The following NPAS3 variants were observed in gnomAD, a reference collection of about 807,000 sequenced individuals.
NPAS3 encodes neuronal PAS domain-containing protein 3.
In NPAS3, 14 loss-of-function variants were observed where a neutral mutation model predicts 73.1. The ratio of observed to expected loss-of-function variants is 0.19; its 90% CI spans 0.13 to 0.30. The LOEUF is 0.30. NPAS3 is among the 10% of genes least tolerant of loss of function. NPAS3 has a pLI of 1.00. For missense variants in NPAS3, 1,096 were observed against 1,250.0 expected (o/e 0.88, Z 1.86); for synonymous variants, 620 against 541.5 (o/e 1.14, Z -2.01).
At chr14:33,340,989 A>C (rs2044451665) in intron 3 of NPAS3, among the ~76,000 whole-genome samples, 1 of 152,182 alleles carries the variant, frequency 6.6e-6, no homozygotes, top group Admixed American at 6.5e-5. Flanking sequence ...GTTCCAAGAT[A>C]TTTTATTTCT....
intron 2 of NPAS3, among the ~76,000 whole-genome samples, chr14:33,067,120 C>CAGA (rs2041308693): frequency 1.3e-5 from 2 of 152,356 alleles, no homozygotes; most frequent in South Asian, 4.1e-4. Flanking sequence ...GAGACCCTCT[C>CAGA]CGGTCTGTGT....
intron 4 of NPAS3, among the ~76,000 whole-genome samples, chr14:33,397,172 G>A (rs2047260152): frequency 6.6e-6 from 1 of 152,134 alleles, no homozygotes; most frequent in South Asian, 2.1e-4. Flanking sequence ...ACCAGTCACA[G>A]ATCCAAAATC....
upstream of NPAS3, among the ~76,000 whole-genome samples, chr14:32,935,250 C>T (rs558351600): frequency 2.4e-4 from 37 of 152,304 alleles, no homozygotes; most frequent in African/African-American, 7.7e-4. Flanking sequence ...AGAGCTTCAG[C>T]CCCGAGTAGC....
intron 2 of NPAS3, among the ~76,000 whole-genome samples, chr14:33,212,904 AC>A (rs2047089855): frequency 6.6e-6 from 1 of 152,224 alleles, no homozygotes; most frequent in Non-Finnish European, 1.5e-5. Flanking sequence ...CCAAACTGTT[AC>A]CCAATTGTAA....
At chr14:33,333,868 A>G (rs1035166433) in intron 3 of NPAS3, among the ~76,000 whole-genome samples, 15 of 152,182 alleles carry the variant, frequency 9.9e-5, no homozygotes, top group Admixed American at 3.3e-4. Context: ...CAGAAAAGTC[A>G]TAAGTAAAGG....
At chr14:33,772,259 G>A (rs927759256) in intron 7 of NPAS3, among the ~76,000 whole-genome samples, 4 of 152,176 alleles carry the variant, frequency 2.6e-5, no homozygotes, top group African/African-American at 7.2e-5. Context: ...GAGAGGCTGC[G>A]TGACTTGCCC....
chr14:33,630,149 A>C (rs936919306), intron 5 of NPAS3, among the ~76,000 whole-genome samples: 2 of 152,162 alleles, frequency 1.3e-5, no homozygotes, highest in African/African-American at 2.4e-5. Flanking sequence ...GAGAGAAAGC[A>C]CCATTTAGAC....
chr14:33,673,094 A>C (rs575270630), intron 5 of NPAS3, among the ~76,000 whole-genome samples: 1 of 152,214 alleles, frequency 6.6e-6, no homozygotes, highest in Non-Finnish European at 1.5e-5. Context: ...ATGGCAAAGC[A>C]TCTCCAGCTC....
intron 2 of NPAS3, among the ~76,000 whole-genome samples, chr14:33,069,143 C>T (rs1167996158): frequency 6.6e-6 from 1 of 152,018 alleles, no homozygotes; most frequent in Non-Finnish European, 1.5e-5. Flanking sequence ...TGATTTGTAC[C>T]AAGACGAAGT....
At chr14:33,622,111 G>A (rs891438623) in intron 5 of NPAS3, among the ~76,000 whole-genome samples, 9 of 152,120 alleles carry the variant, frequency 5.9e-5, no homozygotes, top group Non-Finnish European at 1.2e-4. Flanking sequence ...CTCTTACCAA[G>A]TTTTCTCTCC....
At chr14:33,352,930 A>G (rs1456279551) in intron 3 of NPAS3, among the ~76,000 whole-genome samples, 5 of 152,350 alleles carry the variant, frequency 3.3e-5, no homozygotes, top group African/African-American at 1.2e-4. Context: ...AAGTGACTAT[A>G]TAGGTCTTAT....
At chr14:33,198,240 TGGAAG>T (rs2046458113) in intron 2 of NPAS3, among the ~76,000 whole-genome samples, 1 of 152,136 alleles carries the variant, frequency 6.6e-6, no homozygotes, top group Non-Finnish European at 1.5e-5. Context: ...TTCCACAGCA[TGGAAG>T]GGGACCCAAG....
intron 5 of NPAS3, among the ~76,000 whole-genome samples, chr14:33,663,423 A>C (rs939204543): frequency 6.6e-6 from 1 of 152,006 alleles, no homozygotes; most frequent in East Asian, 1.9e-4. Context: ...AGCCAACTTG[A>C]TCTTGGTGGA....
rs373281983 is a variant in NPAS3, at chr14:33,058,083, G to A, written c.140+2089G>A. On this transcript the variant is annotated intron_variant, in intron 2 of 11. Coordinates refer to ENST00000356141, the Ensembl canonical transcript of NPAS3. Reference sequence around the variant, plus strand: ...TATTCTATATATTTATTACTCATCAGCATTTATATAGCTACTTTCCCTAGA... The same window carrying A: ...TATTCTATATATTTATTACTCATCAACATTTATATAGCTACTTTCCCTAGA... Among the ~76,000 whole-genome samples the A allele has an allele frequency of 1.4e-3, 211 of 151,654 alleles. 2 individuals carry two copies. Among genetic ancestry groups the A allele is most frequent in the Middle Eastern group, 6.9e-3 (2 of 290 alleles).
Position 33,800,431 on chromosome 14 carries a change from C to G in NPAS3, c.2124C>G (p.His708Gln). ...GGGGTGGCGGTGGCGGGGGGCTGCA[C>G]GTGGCCATTCCCGACTCGGTCCTCA... is the stretch of plus-strand genomic sequence containing the variant. Residue 708 changes from histidine (H) to glutamine (Q), a missense_variant, in exon 12 of 12, where the codon CAC becomes CAG. This residue lies in a region of NPAS3 where 698 missense variants were observed against 676.7 expected (regional missense o/e 1.03). Coordinates refer to ENST00000356141, the Ensembl canonical transcript of NPAS3. This position sits in a 1 kb window ranked among gnomAD's most constrained non-coding sequence, Gnocchi z 6.5. 1.3e-6 allele frequency: 2 copies of G among 1,586,094 alleles called. No individual in the cohort carries two copies. Among genetic ancestry groups the G allele is most frequent in the East Asian group, 2.4e-5 (1 of 42,460 alleles).
chr14:33,173,198 A>G (rs2045461648), intron 2 of NPAS3, among the ~76,000 whole-genome samples: 1 of 152,208 alleles, frequency 6.6e-6, no homozygotes, highest in Non-Finnish European at 1.5e-5. Flanking sequence ...CTCTTGAAAA[A>G]TTACTGCAAA....
At chr14:33,326,756 C>T (rs569681370) in intron 3 of NPAS3, among the ~76,000 whole-genome samples, 1 of 152,122 alleles carries the variant, frequency 6.6e-6, no homozygotes, top group Non-Finnish European at 1.5e-5. Flanking sequence ...CTTGCACCAC[C>T]ACAAGAGTTT....
chr14:33,744,397 C>A (rs2061733089), intron 7 of NPAS3, among the ~76,000 whole-genome samples: 3 of 152,140 alleles, frequency 2.0e-5, no homozygotes, highest in Non-Finnish European at 4.4e-5. Context: ...CAATTAAGTT[C>A]ACCTCTTATT....
At chr14:33,733,740 T>C (rs947802209) in intron 6 of NPAS3, among the ~76,000 whole-genome samples, 1 of 152,080 alleles carries the variant, frequency 6.6e-6, no homozygotes, top group African/African-American at 2.4e-5. Flanking sequence ...AAGCTGTACA[T>C]TTAAAATGAC....
Sources: gnomAD v4.1 joint callset for allele counts (sites outside exome capture counted in the v4.1 genomes callset) on GRCh38, gnomAD v4.1.1 for gene constraint, gnomAD v4.1.1 regional missense constraint, Gnocchi (gnomAD v3.1) non-coding constraint, MANE v1.5 for transcripts, NCBI Gene and HGNC (gene_info 2026-07-23, HGNC 2026-07-21) for gene names.